The following SHISA6 variants were observed in gnomAD, a reference collection of about 807,000 sequenced individuals.
SHISA6 encodes the protein protein shisa-6.
Under a neutral mutation model 47.9 loss-of-function variants are expected in SHISA6, and 22 were observed. The observed-to-expected ratio is 0.46, with a 90% CI of 0.33 to 0.66. The LOEUF (loss-of-function observed/expected upper bound fraction) is 0.66, where lower values mean the gene tolerates loss of function less well. Ranked by LOEUF, SHISA6 falls within the 30% of genes least tolerant of loss-of-function variation. The pLI, the probability that SHISA6 is intolerant of heterozygous loss-of-function variation, is 0.02. For missense variants in SHISA6, 680 were observed against 764.6 expected (o/e 0.89, Z 1.30); for synonymous variants, 388 against 337.8 (o/e 1.15, Z -1.63).
At chr17:11,524,688 G>A (rs1472500376) in intron 3 of SHISA6, among the ~76,000 whole-genome samples, 9 of 151,952 alleles carry the variant, frequency 5.9e-5, no homozygotes, top group Non-Finnish European at 7.4e-5. Context: ...TAGTCAAGAC[G>A]GGGTTTCGCC....
chr17:11,305,357 T>C (rs1224803406), intron 2 of SHISA6, among the ~76,000 whole-genome samples: 1 of 152,160 alleles, frequency 6.6e-6, no homozygotes, highest in African/African-American at 2.4e-5. Flanking sequence ...ATTCAATGAA[T>C]TTAAATAAAT....
intron 1 of SHISA6, among the ~76,000 whole-genome samples, chr17:11,244,627 A>C (rs1341793448): frequency 6.6e-6 from 1 of 152,234 alleles, no homozygotes; most frequent in East Asian, 1.9e-4. Flanking sequence ...GGTAGGGAAA[A>C]GGAGGGAGTG....
In SHISA6 at chr17:11,265,937, C is replaced by G. The variant is rs933567995; in HGVS notation, c.799+2411C>G. Reference sequence around the variant, plus strand: ...ATTCACTTCTATGTTTCAAGAAATTCTCCTCAAATTTCTCAAATTGGAACT... The same window carrying G: ...ATTCACTTCTATGTTTCAAGAAATTGTCCTCAAATTTCTCAAATTGGAACT... On this transcript the variant is annotated intron_variant, in intron 2 of 5. Transcript: ENST00000441885. Among the ~76,000 whole-genome samples, 10 of 152,312 alleles carry G rather than the reference C, an allele frequency of 6.6e-5. No individual in the cohort carries two copies. The East Asian group carries it at 1.2e-3, about 18-fold the overall frequency.
chr17:11,455,924 T>C (rs1204202760), intron 3 of SHISA6, among the ~76,000 whole-genome samples: 1 of 152,036 alleles, frequency 6.6e-6, no homozygotes, highest in Non-Finnish European at 1.5e-5. Flanking sequence ...AATGAGTGCA[T>C]TTTCTTCTAG....
intron 2 of SHISA6, among the ~76,000 whole-genome samples, chr17:11,349,921 G>A (rs1010917206): frequency 2.0e-5 from 3 of 152,100 alleles, no homozygotes; most frequent in Admixed American, 6.6e-5. Context: ...GTTAATAAAC[G>A]TTAAGGGGAA....
chr17:11,246,789 C>G (rs1352798643), intron 1 of SHISA6, among the ~76,000 whole-genome samples: 16 of 152,212 alleles, frequency 1.1e-4, no homozygotes, highest in Admixed American at 9.8e-4. Context: ...GTGTTTCATA[C>G]TACACCATAT....
At chr17:11,514,746 T>A (rs2071568807) in intron 3 of SHISA6, among the ~76,000 whole-genome samples, 1 of 152,242 alleles carries the variant, frequency 6.6e-6, no homozygotes, top group Non-Finnish European at 1.5e-5. Flanking sequence ...AGAGGTGCTC[T>A]AGGCTCCCTT....
Position 11,241,479 on chromosome 17 carries a change from G to A in SHISA6, c.57G>A (p.Leu19=), listed in dbSNP as rs1444649782. 8.4e-6 allele frequency: 10 copies of A among 1,188,372 alleles called. No homozygotes were observed. Among genetic ancestry groups the A allele is most frequent in the Admixed American group, 3.4e-5 (1 of 28,990 alleles). 73.6% of individuals were successfully genotyped at this position (1,188,372 alleles called of 1,614,324 possible). The change falls in exon 1 of 6, where the codon CTG becomes CTA. Residue 19 remains leucine, a synonymous_variant. Transcript: ENST00000441885. This position sits in a 1 kb window ranked among gnomAD's most constrained non-coding sequence, Gnocchi z 5.5. The part of the protein sequence containing the change: ...LLLLSLESLD[L]LPSVHGARGR... ...TGCTCTCGCTGGAGTCCCTGGACCT[G>A]CTGCCCAGCGTCCACGGAGCCCGCG...
intron 2 of SHISA6, among the ~76,000 whole-genome samples, chr17:11,266,567 A>C (rs541842443): frequency 6.6e-6 from 1 of 152,208 alleles, no homozygotes; most frequent in African/African-American, 2.4e-5. Context: ...TTTGTCTGCT[A>C]TTGAAGCCAA....
intron 2 of SHISA6, among the ~76,000 whole-genome samples, chr17:11,325,556 A>G (rs1316856873): frequency 6.6e-6 from 1 of 152,218 alleles, no homozygotes; most frequent in Non-Finnish European, 1.5e-5. Flanking sequence ...TGCCTATTCC[A>G]AAACAATAGG....
chr17:11,355,181 G>C (rs1420678761), intron 2 of SHISA6, among the ~76,000 whole-genome samples: 1 of 152,208 alleles, frequency 6.6e-6, no homozygotes, highest in Non-Finnish European at 1.5e-5. Context: ...AGTGGACAGA[G>C]CCAATGGGCT....
chr17:11,342,958 C>T (rs1489751459), intron 2 of SHISA6, among the ~76,000 whole-genome samples: 1 of 152,166 alleles, frequency 6.6e-6, no homozygotes, highest in Non-Finnish European at 1.5e-5. Flanking sequence ...TCAAGCCTCT[C>T]ATTTCACAGA....
chr17:11,465,901 G>C (rs996711840), intron 3 of SHISA6, among the ~76,000 whole-genome samples: 6 of 152,170 alleles, frequency 3.9e-5, no homozygotes, highest in Non-Finnish European at 5.9e-5. Flanking sequence ...AGACTCAGTA[G>C]AGACTTAGTG....
intron 3 of SHISA6, among the ~76,000 whole-genome samples, chr17:11,480,236 T>C (rs962332471): frequency 1.3e-5 from 2 of 152,192 alleles, no homozygotes; most frequent in African/African-American, 2.4e-5. Context: ...TGACATTCTA[T>C]TGTTTGATAA....
intron 3 of SHISA6, among the ~76,000 whole-genome samples, chr17:11,526,266 T>G (rs1470105413): frequency 2.0e-5 from 3 of 152,184 alleles, no homozygotes; most frequent in South Asian, 4.1e-4. Context: ...AGCTGGAGAT[T>G]GCATTCCTGG....
intron 3 of SHISA6, among the ~76,000 whole-genome samples, chr17:11,507,250 G>C (rs1318090561): frequency 6.6e-6 from 1 of 152,164 alleles, no homozygotes; most frequent in Non-Finnish European, 1.5e-5. Flanking sequence ...AAGGTGAATT[G>C]GACAGGCAGG....
intron 3 of SHISA6, among the ~76,000 whole-genome samples, chr17:11,442,936 C>T (rs180906304): frequency 6.6e-6 from 1 of 152,254 alleles, no homozygotes; most frequent in African/African-American, 2.4e-5. Context: ...AGAGCTCAGG[C>T]AAGGAGGGAA....
At chr17:11,384,107 C>T (rs964360508) in intron 3 of SHISA6, among the ~76,000 whole-genome samples, 2 of 152,166 alleles carry the variant, frequency 1.3e-5, no homozygotes, top group African/African-American at 4.8e-5. Flanking sequence ...ATTTCATAGG[C>T]AAAAAGTGAA....
intron 3 of SHISA6, among the ~76,000 whole-genome samples, chr17:11,427,748 G>A (rs537342320): frequency 6.6e-6 from 1 of 152,102 alleles, no homozygotes; most frequent in South Asian, 2.1e-4. Flanking sequence ...AGGGCCAAAA[G>A]GAGGTGGAGA....
Sources: allele counts gnomAD v4.1 joint callset (sites outside exome capture counted in the v4.1 genomes callset), GRCh38; gene constraint gnomAD v4.1.1; non-coding constraint Gnocchi (gnomAD v3.1); transcripts MANE v1.5; gene names NCBI Gene and HGNC (gene_info 2026-07-23, HGNC 2026-07-21).